The following TACR1 variants were observed in gnomAD, a reference collection of about 807,000 sequenced individuals.
TACR1 encodes the protein tachykinin receptor 1, also known as substance-P receptor.
TACR1 carries 25 observed loss-of-function variants against 35.8 expected under a neutral mutation model. The ratio of observed to expected loss-of-function variants is 0.70; its 90% confidence interval spans 0.51 to 0.98. TACR1 has a LOEUF of 0.98. Ranked by LOEUF, TACR1 falls within the 50% of genes least tolerant of loss-of-function variation. The probability of loss-of-function intolerance (pLI) is 0.00; values close to 1 mark genes in which losing one functional copy is unlikely to be tolerated. For synonymous variants in TACR1, 195 were observed against 206.7 expected (o/e 0.94, Z 0.48); for missense variants, 478 against 522.9 (o/e 0.91, Z 0.84).
chr2:75,196,679 C>A (rs1361325641), intron 1 of TACR1, among the ~76,000 whole-genome samples: 1 of 152,162 alleles, frequency 6.6e-6, no homozygotes, highest in African/African-American at 2.4e-5. Context: ...CTTCTAAGTT[C>A]CAGAGGAAAG....
chr2:75,083,970 A>G (rs1558547198), intron 2 of TACR1, among the ~76,000 whole-genome samples: 1 of 151,918 alleles, frequency 6.6e-6, no homozygotes, highest in Non-Finnish European at 1.5e-5. Flanking sequence ...TATGTTGAAT[A>G]GGAGTGGTGA....
At chr2:75,160,868 T>C (rs1286288209) in intron 1 of TACR1, among the ~76,000 whole-genome samples, 1 of 151,056 alleles carries the variant, frequency 6.6e-6, no homozygotes, top group East Asian at 1.9e-4. Context: ...TCCAGAGATA[T>C]TCTGATATAT....
intron 1 of TACR1, among the ~76,000 whole-genome samples, chr2:75,124,175 C>G (rs982099058): frequency 4.6e-5 from 7 of 152,170 alleles, no homozygotes; most frequent in Non-Finnish European, 1.0e-4. Flanking sequence ...TATGTGTCCT[C>G]CCAGCTGAAA....
At chr2:75,124,195 T>G (rs189890435) in intron 1 of TACR1, among the ~76,000 whole-genome samples, 19 of 152,332 alleles carry the variant, frequency 1.2e-4, no homozygotes, top group African/African-American at 3.8e-4. Context: ...AAACCTGAGA[T>G]GTAGCCTTCC....
At chr2:75,088,027 C>G (rs570084920) in intron 2 of TACR1, among the ~76,000 whole-genome samples, 1 of 152,284 alleles carries the variant, frequency 6.6e-6, no homozygotes, top group African/African-American at 2.4e-5. Context: ...TCTGTAGTCC[C>G]CCCATGTCTC....
At chr2:75,135,554 G>A (rs921438822) in intron 1 of TACR1, among the ~76,000 whole-genome samples, 10 of 152,190 alleles carry the variant, frequency 6.6e-5, no homozygotes, top group African/African-American at 1.4e-4. Context: ...AGGGCCAGGC[G>A]CCCAAAGATA....
rs1417358898 is a variant in TACR1 at position 75,174,675 on chromosome 2, G to T, written c.389+23871C>A. On this transcript the variant is annotated intron_variant, in intron 1 of 4. Coordinates refer to ENST00000305249, the MANE Select transcript of TACR1 (RefSeq NM_001058.4). ...AATGGTTGCTGACAGAGGAAGAGGT[G>T]TAATGTAAAAGAAGTTTCTTTTTCT... Among the ~76,000 whole-genome samples the T allele has an allele frequency of 2.6e-5, 4 of 152,242 alleles. No homozygotes were observed. In the East Asian group the frequency reaches 7.7e-4, roughly 29 times the overall value.
intron 2 of TACR1, among the ~76,000 whole-genome samples, chr2:75,101,172 A>T (rs1282347257): frequency 6.6e-6 from 1 of 152,194 alleles, no homozygotes; most frequent in Non-Finnish European, 1.5e-5. Context: ...TAAAGATAAG[A>T]ATATAATAGA....
chr2:75,070,795 G>T (rs1296674922), intron 2 of TACR1, among the ~76,000 whole-genome samples: 1 of 152,194 alleles, frequency 6.6e-6, no homozygotes, highest in East Asian at 1.9e-4. Context: ...CATGCATCTG[G>T]TGAGTGGCAG....
chr2:75,167,635 A>G (rs1390660671), intron 1 of TACR1, among the ~76,000 whole-genome samples: 1 of 152,186 alleles, frequency 6.6e-6, no homozygotes, highest in East Asian at 1.9e-4. Flanking sequence ...TACAAAAACT[A>G]CAAGGAAATA....
In TACR1 at chr2:75,092,624, C is replaced by T. The variant is rs530223253; in HGVS notation, c.584+27950G>A. On this transcript the variant is annotated intron_variant, in intron 2 of 4. Coordinates refer to ENST00000305249, the MANE Select transcript of TACR1 (RefSeq NM_001058.4). ...AGCTCTGGAATGAGCCTCCTATGGT[C>T]AGAATAACTGAACCGACTGTGTCCA... 5.3e-5 allele frequency among the ~76,000 whole-genome samples: 8 copies of T among 152,076 alleles called. No individual in the cohort carries two copies. The East Asian group carries it at 1.6e-3, about 29-fold the overall frequency.
intron 2 of TACR1, among the ~76,000 whole-genome samples, chr2:75,092,599 A>G (rs1673333215): frequency 6.6e-6 from 1 of 152,158 alleles, no homozygotes; most frequent in Non-Finnish European, 1.5e-5. Flanking sequence ...TGGATAAAGT[A>G]GCTCTGGAAT....
intron 2 of TACR1, among the ~76,000 whole-genome samples, chr2:75,107,050 G>A (rs1270219039): frequency 6.6e-6 from 1 of 151,616 alleles, no homozygotes; most frequent in Admixed American, 6.6e-5. Flanking sequence ...TAAATATATG[G>A]AAAAAACTAA....
chr2:75,086,542 C>T (rs1673192269), intron 2 of TACR1, among the ~76,000 whole-genome samples: 1 of 152,048 alleles, frequency 6.6e-6, no homozygotes, highest in Admixed American at 6.6e-5. Context: ...TCTCATACAC[C>T]CAGTCCATTG....
At chr2:75,180,488 G>C (rs1264105774) in intron 1 of TACR1, among the ~76,000 whole-genome samples, 1 of 152,202 alleles carries the variant, frequency 6.6e-6, no homozygotes, top group African/African-American at 2.4e-5. Context: ...GCTTTGGCCA[G>C]TGGGAGGTAT....
chr2:75,195,408 C>CG (rs149082852), intron 1 of TACR1, among the ~76,000 whole-genome samples: 26,460 of 150,310 alleles, frequency 0.18, 3,133 homozygotes, highest in African/African-American at 0.34. Context: ...CCTTTCCCCC[C>CG]ATCCCTTTTT....
chr2:75,174,049 C>T (rs1220440163), intron 1 of TACR1, among the ~76,000 whole-genome samples: 1 of 152,210 alleles, frequency 6.6e-6, no homozygotes, highest in African/African-American at 2.4e-5. Context: ...TCCTGCCTCA[C>T]TCCCAAAACC....
intron 2 of TACR1, among the ~76,000 whole-genome samples, chr2:75,081,153 GCCCTGGGGGA>G (rs1673078958): frequency 6.6e-6 from 1 of 152,210 alleles, no homozygotes; most frequent in African/African-American, 2.4e-5. Flanking sequence ...AGCCAGGCCT[GCCCTGGGGGA>G]AATCACTTTG....
intron 2 of TACR1, among the ~76,000 whole-genome samples, chr2:75,106,661 A>G (rs997590150): frequency 2.0e-5 from 3 of 152,000 alleles, no homozygotes; most frequent in Admixed American, 6.6e-5. Context: ...AATTATGTCA[A>G]TAGTTGTCAA....
Sources: allele counts gnomAD v4.1 joint callset (sites outside exome capture counted in the v4.1 genomes callset), GRCh38; gene constraint gnomAD v4.1.1; transcripts MANE v1.5; gene names NCBI Gene and HGNC (gene_info 2026-07-23, HGNC 2026-07-21).